The following SLC38A6 variants were observed in gnomAD, a reference collection of about 807,000 sequenced individuals.
The protein encoded by SLC38A6 is solute carrier family 38 member 6.
Under a neutral mutation model 65.0 loss-of-function variants are expected in SLC38A6, and 73 were observed. The observed-to-expected ratio is 1.12, with a 90% CI of 0.93 to 1.37. The LOEUF is 1.37. Among genes scored for constraint, SLC38A6 ranks in the 40% most tolerant of loss-of-function variants. SLC38A6 has a pLI of 0.00. For synonymous variants in SLC38A6, 183 were observed against 178.8 expected, an observed-to-expected ratio of 1.02 and a Z score of -0.19; for missense variants, 561 against 531.1, an observed-to-expected ratio of 1.06 and a Z score of -0.55.
At chr14:61,081,069 A>C (rs1477588011) in intron 16 of SLC38A6, among the ~76,000 whole-genome samples, 2 of 151,444 alleles carry the variant, frequency 1.3e-5, no homozygotes, top group Non-Finnish European at 3.0e-5. Context: ...ATGGGAAGCC[A>C]GCAATGGTGG....
At chr14:60,998,346 A>G (rs1233455870) in intron 3 of SLC38A6, among the ~76,000 whole-genome samples, 1 of 152,070 alleles carries the variant, frequency 6.6e-6, no homozygotes, top group East Asian at 1.9e-4. Flanking sequence ...GCAGACAAAC[A>G]GAGGAGCAGA....
At chr14:61,013,483 T>C (rs1418544130) in intron 3 of SLC38A6, among the ~76,000 whole-genome samples, 4 of 152,244 alleles carry the variant, frequency 2.6e-5, no homozygotes, top group Non-Finnish European at 5.9e-5. Context: ...CTAGCCTTGA[T>C]GGTCTTCACA....
Position 61,052,031 on chromosome 14 carries a change from C to T in SLC38A6, c.1196-10C>T, listed in dbSNP as rs752395837. 3.1e-6 allele frequency: 5 copies of T among 1,599,174 alleles called. No individual in the cohort carries two copies. The highest frequency in any genetic ancestry group is 4.3e-6 in the Non-Finnish European group (5 of 1,174,378). On this transcript the variant is annotated splice_polypyrimidine_tract_variant and intron_variant, in intron 14 of 15. Coordinates refer to ENST00000267488, the MANE Select transcript of SLC38A6 (RefSeq NM_153811.3). ...CAATATCCTCTCTTTTTTTTCCCTC[C>T]ACTTTAAAGGTGCCAGTACATCAAC... is the stretch of plus-strand genomic sequence containing the variant.
intron 15 of SLC38A6, among the ~76,000 whole-genome samples, chr14:61,061,536 C>T (rs2042841532): frequency 6.6e-6 from 1 of 152,184 alleles, no homozygotes. Context: ...TACATTTCCA[C>T]TGATCATTTT....
intron 3 of SLC38A6, chr14:61,004,376 T>G (rs989558701): frequency 6.6e-6 from 1 of 152,162 alleles, no homozygotes; most frequent in African/African-American, 2.4e-5. Context: ...AAAGCAGGTG[T>G]TTGATATATC....
At chr14:61,069,572 C>G (rs762019504) in intron 15 of SLC38A6, among the ~76,000 whole-genome samples, 10 of 152,136 alleles carry the variant, frequency 6.6e-5, no homozygotes, top group Non-Finnish European at 1.3e-4. Flanking sequence ...CAGAATGTGA[C>G]TTATTTTCCA....
intron 1 of SLC38A6, 174 bp downstream of exon 1, chr14:60,981,556 T>A (rs1236773162): frequency 6.5e-7 from 1 of 1,529,632 alleles, no homozygotes; most frequent in East Asian, 2.5e-5. Context: ...ATTGGCGCAG[T>A]TATGAACGTG....
downstream of SLC38A6, among the ~76,000 whole-genome samples, chr14:61,054,208 T>G (rs1350244166): frequency 6.6e-6 from 1 of 152,142 alleles, no homozygotes; most frequent in East Asian, 1.9e-4. Flanking sequence ...ATTTCTGGGT[T>G]CTCTATACTG....
intron 13 of SLC38A6, among the ~76,000 whole-genome samples, chr14:61,051,550 A>T (rs2042507290): frequency 6.6e-6 from 1 of 152,142 alleles, no homozygotes; most frequent in Non-Finnish European, 1.5e-5. Flanking sequence ...AAAAAATTGC[A>T]TGTGAAAACT....
At chr14:61,035,523 T>A (rs1464076021) in intron 6 of SLC38A6, among the ~76,000 whole-genome samples, 2 of 152,180 alleles carry the variant, frequency 1.3e-5, no homozygotes, top group Non-Finnish European at 2.9e-5. Context: ...GAATTTTCTC[T>A]ATTTTATTTT....
chr14:61,036,351 C>T, intron 6 of SLC38A6, among the ~76,000 whole-genome samples: 1 of 151,712 alleles, frequency 6.6e-6, no homozygotes. Context: ...GAACAGAAAA[C>T]CAAACACCGC....
At chr14:61,062,691 T>G (rs1159319394) in intron 15 of SLC38A6, among the ~76,000 whole-genome samples, 3 of 152,048 alleles carry the variant, frequency 2.0e-5, no homozygotes, top group Non-Finnish European at 4.4e-5. Context: ...TTTTGTTTTG[T>G]TTTTTTGAGA....
chr14:60,999,086 A>G (rs893629698), intron 3 of SLC38A6, among the ~76,000 whole-genome samples: 1 of 152,254 alleles, frequency 6.6e-6, no homozygotes, highest in Non-Finnish European at 1.5e-5. Context: ...CATAAAGTAC[A>G]AAGGAGAAAA....
chr14:61,069,827 A>T (rs1491003744), intron 15 of SLC38A6, among the ~76,000 whole-genome samples: 1 of 152,058 alleles, frequency 6.6e-6, no homozygotes, highest in Non-Finnish European at 1.5e-5. Context: ...ATCCAATTCT[A>T]TCCCCAGCAT....
At chr14:61,019,720 CT>C (rs74538166) in intron 5 of SLC38A6, 140 bp downstream of exon 5, 41,117 of 567,220 alleles carry the variant, frequency 0.072, 1 homozygote, top group South Asian at 0.1. Flanking sequence ...CCTCTTTACT[CT>C]TTTTTTTTTT....
At chr14:61,006,753 A>G (rs910249145) in intron 3 of SLC38A6, among the ~76,000 whole-genome samples, 1 of 152,224 alleles carries the variant, frequency 6.6e-6, no homozygotes, top group African/African-American at 2.4e-5. Flanking sequence ...ACCATTGTGG[A>G]AGTCAGTGTG....
At chr14:61,011,245 T>G (rs1333684724) in intron 3 of SLC38A6, among the ~76,000 whole-genome samples, 1 of 152,242 alleles carries the variant, frequency 6.6e-6, no homozygotes. Flanking sequence ...CCTGAGACTT[T>G]GCTGAAGTTG....
In SLC38A6 at chr14:61,004,208, C is replaced by G. The variant is rs187450841; in HGVS notation, c.311-11696C>G. ...ATCTTTCAGTATTATGGTTTTGGTT[C>G]ACAGCGAAGGTATTTGCTTGCTACA... On this transcript the variant is annotated intron_variant, in intron 3 of 15. Transcript: ENST00000267488. Among the ~76,000 whole-genome samples, 7 of 152,174 alleles carry G rather than the reference C, an allele frequency of 4.6e-5. 1 individual carries two copies. The highest frequency in any genetic ancestry group is 1.7e-4 in the African/African-American group (7 of 41,540).
At chr14:60,992,539 G>T (rs1020105469) in intron 3 of SLC38A6, among the ~76,000 whole-genome samples, 14 of 152,094 alleles carry the variant, frequency 9.2e-5, no homozygotes, top group Non-Finnish European at 2.1e-4. Flanking sequence ...AATTCATACA[G>T]TTCAAAAGTG....
Sources: allele counts gnomAD v4.1 joint callset (sites outside exome capture counted in the v4.1 genomes callset), GRCh38; gene constraint gnomAD v4.1.1; transcripts MANE v1.5; gene names NCBI Gene and HGNC (gene_info 2026-07-23, HGNC 2026-07-21).